TNFSF8: variants seen among roughly 807,000 people sequenced by gnomAD.
TNFSF8 encodes the protein TNF superfamily member 8.
Under a neutral mutation model 22.0 loss-of-function variants are expected in TNFSF8, and 4 were observed. The ratio of observed to expected loss-of-function variants is 0.18; its 90% confidence interval spans 0.09 to 0.42. The LOEUF (loss-of-function observed/expected upper bound fraction) is 0.42. Among genes scored for constraint, TNFSF8 ranks in the 10% least tolerant of loss-of-function variants. The probability of loss-of-function intolerance (pLI) is 1.00; values close to 1 mark genes in which losing one functional copy is unlikely to be tolerated. For synonymous variants in TNFSF8, 106 were observed against 112.5 expected (o/e 0.94, Z 0.37); for missense variants, 233 against 281.8 (o/e 0.83, Z 1.24).
In TNFSF8 at chr9:114,901,238, C is replaced by T. The variant is rs1234584481; in HGVS notation, c.*2693G>A. 3 of 985,278 alleles carry T rather than the reference C, an allele frequency of 3.0e-6. No homozygotes were observed. Among genetic ancestry groups the T allele is most frequent in the Non-Finnish European group, 3.6e-6 (3 of 829,930 alleles). 61.0% of individuals were successfully genotyped at this position (985,278 alleles called of 1,614,324 possible). On this transcript the variant is annotated 3_prime_UTR_variant, in exon 4 of 4. Transcript: ENST00000223795. ...CATAACATTCCCAGGGGCTGGTTAACCCTCAAGAGTAACAGAATTTAGTTT... is the reference window on the plus strand; with the variant it reads ...CATAACATTCCCAGGGGCTGGTTAATCCTCAAGAGTAACAGAATTTAGTTT...
downstream of TNFSF8, among the ~76,000 whole-genome samples, chr9:114,898,764 T>G (rs1255019849): frequency 6.6e-6 from 1 of 152,150 alleles, no homozygotes; most frequent in Non-Finnish European, 1.5e-5. Context: ...CACAGGGTGT[T>G]AAATGGCTTG....
At chr9:114,927,047 ATATT>A (rs1828071901) in intron 1 of TNFSF8, among the ~76,000 whole-genome samples, 2 of 141,696 alleles carry the variant, frequency 1.4e-5, no homozygotes, top group Non-Finnish European at 3.1e-5. Context: ...ATTTTATAAT[ATATT>A]TATAATATAA....
At chr9:114,905,720 G>T in intron 3 of TNFSF8, 108 bp downstream of exon 3, 1 of 844,010 alleles carries the variant, frequency 1.2e-6, no homozygotes, top group South Asian at 1.4e-5. Flanking sequence ...CACATCTGCA[G>T]GTCACATTTG....
At chr9:114,899,699 G>T (rs1827696043), downstream of TNFSF8, among the ~76,000 whole-genome samples, 1 of 152,198 alleles carries the variant, frequency 6.6e-6, no homozygotes, top group African/African-American at 2.4e-5. Context: ...TACCATGTTG[G>T]ATTGTAAACT....
chr9:114,923,593 C>T (rs960629510), intron 1 of TNFSF8, among the ~76,000 whole-genome samples: 2 of 147,388 alleles, frequency 1.4e-5, no homozygotes, highest in Non-Finnish European at 3.0e-5. Context: ...TCTCTGTTCA[C>T]TGCAACCTTG....
At chr9:114,920,811 G>A (rs1827978811) in intron 1 of TNFSF8, among the ~76,000 whole-genome samples, 1 of 152,112 alleles carries the variant, frequency 6.6e-6, no homozygotes, top group Admixed American at 6.5e-5. Flanking sequence ...TGGGACTACA[G>A]GGGCCCACCA....
intron 2 of TNFSF8, among the ~76,000 whole-genome samples, chr9:114,911,944 CAT>C: frequency 6.6e-6 from 1 of 152,244 alleles, no homozygotes; most frequent in East Asian, 1.9e-4. Flanking sequence ...AGTCTGGAGA[CAT>C]AGGGTAAATT....
chr9:114,910,098 T>C (rs1407098469), intron 2 of TNFSF8, among the ~76,000 whole-genome samples: 2 of 152,196 alleles, frequency 1.3e-5, no homozygotes, highest in Non-Finnish European at 2.9e-5. Flanking sequence ...TTCAGATGCA[T>C]CAGCTTTGTA....
chr9:114,910,972 C>A (rs1827845693), intron 2 of TNFSF8, among the ~76,000 whole-genome samples: 1 of 152,152 alleles, frequency 6.6e-6, no homozygotes, highest in Non-Finnish European at 1.5e-5. Context: ...AACAATCAAC[C>A]TAAATGTATG....
downstream of TNFSF8, among the ~76,000 whole-genome samples, chr9:114,899,023 C>T (rs926373864): frequency 2.6e-5 from 4 of 152,136 alleles, no homozygotes; most frequent in East Asian, 1.9e-4. Flanking sequence ...ATCAGCAGAA[C>T]GGATGCTTCT....
chr9:114,902,281 TA>T lies in TNFSF8; in HGVS notation c.*1649del, dbSNP rs1459720723. ...GTCTCTCAACAACTTTGTGGGGATA[TA>T]AAAACCCTCGCGGAACTGGTTTTCT... On this transcript the variant is annotated 3_prime_UTR_variant, in exon 4 of 4. Coordinates refer to ENST00000223795, the MANE Select transcript of TNFSF8 (RefSeq NM_001244.4). The T allele has an allele frequency of 1.0e-6, 1 of 985,304 alleles. No individual in the cohort carries two copies. Among genetic ancestry groups the T allele is most frequent in the East Asian group, 1.1e-4 (1 of 8,830 alleles). The allele number at this position is 985,304 out of a possible 1,614,324, so 61.0% of individuals were successfully genotyped here.
At chr9:114,926,384 C>T (rs540568684) in intron 1 of TNFSF8, among the ~76,000 whole-genome samples, 7 of 152,034 alleles carry the variant, frequency 4.6e-5, no homozygotes, top group South Asian at 4.2e-4. Flanking sequence ...GAGCAGAGAT[C>T]GCGCCACTGC....
intron 1 of TNFSF8, among the ~76,000 whole-genome samples, chr9:114,929,827 C>A (rs1377080955): frequency 6.7e-6 from 1 of 149,946 alleles, no homozygotes; most frequent in African/African-American, 2.4e-5. Flanking sequence ...TCTCAACAAG[C>A]CAAATTATTT....
intron 2 of TNFSF8, among the ~76,000 whole-genome samples, chr9:114,913,870 C>T (rs531252106): frequency 5.9e-5 from 9 of 152,318 alleles, no homozygotes; most frequent in South Asian, 4.1e-4. Flanking sequence ...TGCCTGTCAA[C>T]GTTCATTATT....
chr9:114,907,451 A>G (rs1339563210), intron 2 of TNFSF8, among the ~76,000 whole-genome samples: 1 of 152,276 alleles, frequency 6.6e-6, no homozygotes, highest in African/African-American at 2.4e-5. Context: ...ATGGTTAGAG[A>G]GTCCTCCTGG....
chr9:114,925,602 A>C (rs1314851715), intron 1 of TNFSF8, among the ~76,000 whole-genome samples: 2 of 152,114 alleles, frequency 1.3e-5, no homozygotes, highest in Non-Finnish European at 2.9e-5. Context: ...CCAAAATACC[A>C]CACCACCATC....
chr9:114,912,548 C>T (rs1488574304), intron 2 of TNFSF8, among the ~76,000 whole-genome samples: 1 of 151,858 alleles, frequency 6.6e-6, no homozygotes, highest in African/African-American at 2.4e-5. Flanking sequence ...TGCCACCATG[C>T]CCAGCTAATT....
intron 2 of TNFSF8, among the ~76,000 whole-genome samples, chr9:114,908,742 T>C (rs1827815551): frequency 6.6e-6 from 1 of 152,214 alleles, no homozygotes; most frequent in African/African-American, 2.4e-5. Context: ...AGATGGTTTC[T>C]AGCTAAAGGG....
chr9:114,899,348 T>TTTA (rs1554775970), downstream of TNFSF8, among the ~76,000 whole-genome samples: 1,081 of 144,608 alleles, frequency 7.5e-3, 24 homozygotes, highest in African/African-American at 0.027. Context: ...AGTTATTATT[T>TTTA]TTTTTTTTTT....
Sources: allele counts gnomAD v4.1 joint callset (sites outside exome capture counted in the v4.1 genomes callset), GRCh38; gene constraint gnomAD v4.1.1; transcripts MANE v1.5; gene names NCBI Gene and HGNC (gene_info 2026-07-23, HGNC 2026-07-21).